The following UNC119B variants were observed in gnomAD, a reference collection of about 807,000 sequenced individuals.
UNC119B encodes the protein unc-119 lipid binding chaperone B.
UNC119B carries 16 observed loss-of-function variants against 23.4 expected under a neutral mutation model. The observed-to-expected ratio is 0.68, with a 90% CI of 0.46 to 1.04. The LOEUF is 1.04. UNC119B is among the 50% of genes least tolerant of loss of function. The pLI, the probability that UNC119B is intolerant of heterozygous loss-of-function variation, is 0.00. For synonymous variants in UNC119B, 144 were observed against 145.4 expected, an observed-to-expected ratio of 0.99 and a Z score of 0.07; for missense variants, 350 against 361.3, an observed-to-expected ratio of 0.97 and a Z score of 0.25.
intron 1 of UNC119B, chr12:120,711,616 A>G (rs1239284919): frequency 2.6e-5 from 4 of 152,314 alleles, no homozygotes; most frequent in African/African-American, 2.4e-5. Context: ...AGTTAGGCCT[A>G]TCTTGGCCTG....
At position 120,719,787 on chromosome 12, in the gene UNC119B, G is replaced by T. The variant is rs754656451; in HGVS notation, c.644-133G>T. ...TGCCTCCCTCTGTTCTGACCTCATC[G>T]TTATTCTGGCAGAGTATACTCTGAA... On this transcript the variant is annotated intron_variant, in intron 4 of 4. Coordinates refer to ENST00000344651, the MANE Select transcript of UNC119B (RefSeq NM_001080533.3). 59 of 645,496 alleles carry T rather than the reference G, an allele frequency of 9.1e-5. No homozygotes were observed. In the Middle Eastern group the frequency reaches 1.0e-3, roughly 11 times the overall value. 40.0% of individuals were successfully genotyped at this position (645,496 alleles called of 1,614,324 possible).
At chr12:120,714,012 G>A (rs1882720545) in intron 2 of UNC119B, among the ~76,000 whole-genome samples, 1 of 152,174 alleles carries the variant, frequency 6.6e-6, no homozygotes, top group Non-Finnish European at 1.5e-5. Context: ...CGCTTCCTGT[G>A]CTTGTGATAA....
rs1170761195 is a variant in UNC119B, at chr12:120,723,568, A to C, written c.*3536A>C. ...TTTTATTGTCTTTGTGTCCAAAGTAAACTAGGTGACTTATTTGTATAAAAT... is the reference window on the plus strand; with the variant it reads ...TTTTATTGTCTTTGTGTCCAAAGTACACTAGGTGACTTATTTGTATAAAAT... On this transcript the variant is annotated 3_prime_UTR_variant, in exon 5 of 5. Transcript: ENST00000344651. The C allele has an allele frequency of 6.6e-6, 1 of 152,224 alleles. No individual in the cohort carries two copies. Among genetic ancestry groups the C allele is most frequent in the Non-Finnish European group, 1.5e-5 (1 of 68,050 alleles). 9.4% of individuals were successfully genotyped at this position (152,224 alleles called of 1,614,324 possible). A position where few individuals can be genotyped will look rare whatever the true frequency, so the allele number is the denominator to read the frequency against.
chr12:120,716,327 G>T (rs1592927674), intron 2 of UNC119B, among the ~76,000 whole-genome samples: 5 of 152,340 alleles, frequency 3.3e-5, no homozygotes, highest in Admixed American at 3.3e-4. Context: ...GATGGACCTG[G>T]ATTCAAATCC....
chr12:120,722,458 C>G lies in UNC119B; in HGVS notation c.*2426C>G, dbSNP rs894823548. The G allele has an allele frequency of 6.6e-6, 1 of 152,224 alleles. No homozygotes were observed. Among genetic ancestry groups the G allele is most frequent in the Non-Finnish European group, 1.5e-5 (1 of 68,046 alleles). 9.4% of individuals were successfully genotyped at this position (152,224 alleles called of 1,614,324 possible). ...CTGAGTTGGGGAGAGAATTGCAAGGCATACTTTCTCTGAAAGTAACAGAAC... is the reference window on the plus strand; with the variant it reads ...CTGAGTTGGGGAGAGAATTGCAAGGGATACTTTCTCTGAAAGTAACAGAAC... On this transcript the variant is annotated 3_prime_UTR_variant, in exon 5 of 5. Coordinates refer to ENST00000344651, the MANE Select transcript of UNC119B (RefSeq NM_001080533.3).
In UNC119B at chr12:120,723,422, T is replaced by C. The variant is rs1157407106; in HGVS notation, c.*3390T>C. 1 of 152,690 alleles carries C rather than the reference T, an allele frequency of 6.5e-6. No homozygotes were observed. The highest frequency in any genetic ancestry group is 1.5e-5 in the Non-Finnish European group (1 of 68,054). The allele number at this position is 152,690 out of a possible 1,614,324, so 9.5% of individuals were successfully genotyped here. On this transcript the variant is annotated 3_prime_UTR_variant, in exon 5 of 5. Coordinates refer to ENST00000344651, the MANE Select transcript of UNC119B (RefSeq NM_001080533.3). ...TTTTACAAAGGACCGTGTAAAGTCA[T>C]TGAAGTTGTGAAAGTCTATTTTTTT...
intron 1 of UNC119B, among the ~76,000 whole-genome samples, chr12:120,712,009 T>C (rs903392679): frequency 4.3e-4 from 66 of 152,194 alleles, no homozygotes; most frequent in African/African-American, 1.5e-3. Flanking sequence ...CAGTTTTCAT[T>C]TGGGGCTCTG....
In UNC119B at chr12:120,716,982, C is replaced by T. The variant is rs1049588679; in HGVS notation, c.583C>T (p.Pro195Ser). 1.4e-5 allele frequency: 22 copies of T among 1,613,414 alleles called. No individual in the cohort carries two copies. The highest frequency in any genetic ancestry group is 5.3e-5 in the African/African-American group (4 of 74,896). The change falls in exon 4 of 5, where the codon CCC (proline) becomes TCC (serine). Residue 195 changes from proline to serine, a missense_variant. By Grantham distance (74) the Pro-to-Ser change is moderately conservative. Transcript: ENST00000344651. ...TGACTTTGATTTTGGCTTCTGCATC[C>T]CCAGCAGTAGGAACACTTGTGAACA... ...NFDFDFGFCI[P>S]SSRNTCEHIY...
At chr12:120,719,500 C>T (rs762935408) in intron 4 of UNC119B, among the ~76,000 whole-genome samples, 10 of 152,156 alleles carry the variant, frequency 6.6e-5, no homozygotes, top group Non-Finnish European at 1.2e-4. Flanking sequence ...GCTCAGATTT[C>T]TGAATTTGGA....
intron 4 of UNC119B, among the ~76,000 whole-genome samples, chr12:120,717,783 C>T (rs906810372): frequency 2.0e-5 from 3 of 151,030 alleles, no homozygotes; most frequent in Non-Finnish European, 2.9e-5. Flanking sequence ...AGGCTGGTCT[C>T]GAACTCCTGA....
At position 120,722,007 on chromosome 12, in the gene UNC119B, A is replaced by T. The variant is rs932734812; in HGVS notation, c.*1975A>T. On this transcript the variant is annotated 3_prime_UTR_variant, in exon 5 of 5. Transcript: ENST00000344651. Reference sequence around the variant, plus strand: ...TCTTTGACAGAGGCCCAGGTGGGACAGTTTCTACTATTTGATATTTGAGTA... The same window carrying T: ...TCTTTGACAGAGGCCCAGGTGGGACTGTTTCTACTATTTGATATTTGAGTA... The T allele has an allele frequency of 6.6e-6, 1 of 152,604 alleles. No homozygotes were observed. The highest frequency in any genetic ancestry group is 2.4e-5 in the African/African-American group (1 of 41,456). The allele number at this position is 152,604 out of a possible 1,614,324, so 9.5% of individuals were successfully genotyped here.
chr12:120,716,909 C>T lies in UNC119B; in HGVS notation c.510C>T (p.Phe170=). The change falls in exon 4 of 5, where the codon TTC becomes TTT. Residue 170 remains phenylalanine, a synonymous_variant. Coordinates refer to ENST00000344651, the MANE Select transcript of UNC119B (RefSeq NM_001080533.3). ...FTVGDKPVSN[F]RMIERHYFRE... is the part of the protein sequence containing the mutation. Reference sequence around the variant, plus strand: ...TGGGAGACAAACCTGTTTCAAACTTCCGGATGATCGAACGGCACTATTTCC... The same window carrying T: ...TGGGAGACAAACCTGTTTCAAACTTTCGGATGATCGAACGGCACTATTTCC... 1 of 1,613,244 alleles carries T rather than the reference C, an allele frequency of 6.2e-7. No individual in the cohort carries two copies. The highest frequency in any genetic ancestry group is 8.5e-7 in the Non-Finnish European group (1 of 1,179,536).
Position 120,723,440 on chromosome 12 carries a change from ATTT to A in UNC119B, c.*3414_*3416del, listed in dbSNP as rs138947126. 1.3e-5 allele frequency: 2 copies of A among 152,570 alleles called. No individual in the cohort carries two copies. Among genetic ancestry groups the A allele is most frequent in the South Asian group, 2.1e-4 (1 of 4,818 alleles). The allele number at this position is 152,570 out of a possible 1,614,324, so 9.5% of individuals were successfully genotyped here. ...AAAGTCATTGAAGTTGTGAAAGTCT[ATTT>A]TTTTTCCTGTAAATCTATTTTTTAC... On this transcript the variant is annotated 3_prime_UTR_variant, in exon 5 of 5. Coordinates refer to ENST00000344651, the MANE Select transcript of UNC119B (RefSeq NM_001080533.3).
In UNC119B at chr12:120,720,898, A is replaced by C. The variant is rs879613785; in HGVS notation, c.*866A>C. Reference sequence around the variant, plus strand: ...TCTTTCGGGGAGGTTTTATAAAATGACAGTGGTGTTCCCAGCATATGTGAT... The same window carrying C: ...TCTTTCGGGGAGGTTTTATAAAATGCCAGTGGTGTTCCCAGCATATGTGAT... On this transcript the variant is annotated 3_prime_UTR_variant, in exon 5 of 5. Coordinates refer to ENST00000344651, the MANE Select transcript of UNC119B (RefSeq NM_001080533.3). 1 of 152,232 alleles carries C rather than the reference A, an allele frequency of 6.6e-6. No individual in the cohort carries two copies. Among genetic ancestry groups the C allele is most frequent in the Non-Finnish European group, 1.5e-5 (1 of 68,066 alleles). 9.4% of individuals were successfully genotyped at this position (152,232 alleles called of 1,614,324 possible).
At chr12:120,716,493 G>A (rs939969021) in intron 2 of UNC119B, 135 bp from the exon 3 acceptor site, 33 of 880,714 alleles carry the variant, frequency 3.7e-5, no homozygotes, top group Admixed American at 1.2e-4. Flanking sequence ...TAGCAAGTGC[G>A]CAGTAAACAC....
At chr12:120,715,087 A>ATGGGGT (rs1882748695) in intron 2 of UNC119B, among the ~76,000 whole-genome samples, 1 of 152,174 alleles carries the variant, frequency 6.6e-6, no homozygotes, top group East Asian at 1.9e-4. Context: ...GCTACTCAGG[A>ATGGGGT]GGCTGAGGTG....
In UNC119B at chr12:120,720,043, A is replaced by G; in HGVS notation, c.*11A>G. 1 of 1,595,618 alleles carries G rather than the reference A, an allele frequency of 6.3e-7. No homozygotes were observed. The highest frequency in any genetic ancestry group is 8.6e-7 in the Non-Finnish European group (1 of 1,163,770). ...AATGGAGGCCAGTAAGTGCTGCAAG[A>G]GTAGATAGGGGAGGTGCTTTGCCGC... On this transcript the variant is annotated 3_prime_UTR_variant, in exon 5 of 5. Transcript: ENST00000344651.
In UNC119B at chr12:120,720,742, AGCTT is replaced by A. The variant is rs1882879156; in HGVS notation, c.*714_*717del. 2 of 152,282 alleles carry A rather than the reference AGCTT, an allele frequency of 1.3e-5. No individual in the cohort carries two copies. The highest frequency in any genetic ancestry group is 1.3e-4 in the Admixed American group (2 of 15,288). The allele number at this position is 152,282 out of a possible 1,614,324, so 9.4% of individuals were successfully genotyped here. On this transcript the variant is annotated 3_prime_UTR_variant, in exon 5 of 5. Coordinates refer to ENST00000344651, the MANE Select transcript of UNC119B (RefSeq NM_001080533.3). ...CTGTTCCCATTTTGGAGGACAGACA[AGCTT>A]GCTCCACATCTCCTGGCTCCTCCCT...
In UNC119B at chr12:120,713,697, A is replaced by G. The variant is rs960197799; in HGVS notation, c.358+310A>G. ...TACAGCGAAGGATCTGAGGCCTACA[A>G]TTCCCAGGCGGCTCTTTCCTAAGGC... On this transcript the variant is annotated intron_variant, in intron 2 of 4. Transcript: ENST00000344651. Among the ~76,000 whole-genome samples the G allele has an allele frequency of 1.5e-4, 23 of 152,206 alleles. 1 individual carries two copies. Among genetic ancestry groups the G allele is most frequent in the South Asian group, 6.2e-4 (3 of 4,830 alleles).
Sources: gnomAD v4.1 joint callset for allele counts (sites outside exome capture counted in the v4.1 genomes callset) on GRCh38, gnomAD v4.1.1 for gene constraint, MANE v1.5 for transcripts, NCBI Gene and HGNC (gene_info 2026-07-23, HGNC 2026-07-21) for gene names.